HEATR4: variants seen among roughly 807,000 people sequenced by gnomAD.
The protein encoded by HEATR4 is HEAT repeat-containing protein 4.
HEATR4 carries 95 observed loss-of-function variants against 108.8 expected under a neutral mutation model. The observed-to-expected ratio is 0.87, with a 90% CI of 0.74 to 1.04. The LOEUF (loss-of-function observed/expected upper bound fraction) is 1.04, where lower values mean the gene tolerates loss of function less well. Ranked by LOEUF, HEATR4 falls within the 50% of genes least tolerant of loss-of-function variation. The probability of loss-of-function intolerance (pLI) is 0.00; values close to 1 mark genes in which losing one functional copy is unlikely to be tolerated. For missense variants in HEATR4, 1,152 were observed against 1,253.8 expected, an observed-to-expected ratio of 0.92 and a Z score of 1.23; for synonymous variants, 443 against 459.4, an observed-to-expected ratio of 0.96 and a Z score of 0.46.
chr14:73,630,144 C>G, the HEATR4 span, among the ~76,000 whole-genome samples: 6 of 151,988 alleles, frequency 3.9e-5, no homozygotes, highest in Non-Finnish European at 8.8e-5. Context: ...CAGGGGAAAG[C>G]AAAAAGAAGA....
the HEATR4 span, among the ~76,000 whole-genome samples, chr14:73,615,788 G>A: frequency 0.02 from 3,068 of 152,066 alleles, 106 homozygotes; most frequent in African/African-American, 0.07. Context: ...GCAGTGGCTC[G>A]CACTTAAAAT....
At chr14:73,497,398 C>T (rs1388630336) in intron 14 of HEATR4, among the ~76,000 whole-genome samples, 6 of 152,092 alleles carry the variant, frequency 3.9e-5, no homozygotes, top group Admixed American at 2.6e-4. Context: ...TTATGACAGG[C>T]GCTAAACATG....
the HEATR4 span, among the ~76,000 whole-genome samples, chr14:73,626,785 C>A: frequency 7.3e-6 from 1 of 136,830 alleles, no homozygotes; most frequent in African/African-American, 2.9e-5. Flanking sequence ...AACAGACAAA[C>A]AGCCTTTTTT....
chr14:73,583,724 G>A, the HEATR4 span, among the ~76,000 whole-genome samples: 5 of 152,040 alleles, frequency 3.3e-5, no homozygotes, highest in African/African-American at 1.2e-4. Flanking sequence ...GGCAGGCCAG[G>A]CGCGGTGGCT....
intron 17 of HEATR4, among the ~76,000 whole-genome samples, chr14:73,479,746 T>C (rs757179457): frequency 3.5e-4 from 53 of 152,136 alleles, no homozygotes; most frequent in South Asian, 8.3e-4. Flanking sequence ...AGCTAATTTT[T>C]TTGTATTTTT....
chr14:73,535,537 T>C lies in HEATR4; in HGVS notation c.-151-5293A>G, dbSNP rs1236447747. ...AGGCTGGAGTGCAGTGGCGCCATCT[T>C]GGCTCACTGCAAGCACTGCCTCCAG... is the stretch of plus-strand genomic sequence containing the variant. On this transcript the variant is annotated intron_variant, in intron 1 of 17. Transcript: ENST00000553558. Among the ~76,000 whole-genome samples, 36 of 86,142 alleles carry C rather than the reference T, an allele frequency of 4.2e-4. 6 individuals carry two copies. Among genetic ancestry groups the C allele is most frequent in the African/African-American group, 1.3e-3 (34 of 26,014 alleles). The allele number at this position is 86,142 out of a possible 152,430, so 56.5% of individuals were successfully genotyped here.
At chr14:73,506,987 G>A (rs1357872194) in intron 9 of HEATR4, among the ~76,000 whole-genome samples, 1 of 151,784 alleles carries the variant, frequency 6.6e-6, no homozygotes, top group East Asian at 1.9e-4. Flanking sequence ...TTTTAGTAGA[G>A]GCGGGGTTTT....
chr14:73,615,388 T>TAAAAAAAAAAAAAAAAAAAA, the HEATR4 span, among the ~76,000 whole-genome samples: 1 of 63,330 alleles, frequency 1.6e-5, no homozygotes, highest in African/African-American at 1.0e-4. Context: ...CTCTGTCTGA[T>TAAAAAAAAAAAAAAAAAAAA]AAAAAAAAAA....
the HEATR4 span, among the ~76,000 whole-genome samples, chr14:73,597,233 C>T: frequency 2.8e-3 from 418 of 149,486 alleles, 2 homozygotes; most frequent in African/African-American, 9.7e-3. Flanking sequence ...TACAGGTGCC[C>T]GCCACCACGC....
At position 73,478,645 on chromosome 14, in the gene HEATR4, G is replaced by T; in HGVS notation, c.3042C>A (p.Ile1014=). 6.2e-7 allele frequency: 1 copy of T among 1,613,786 alleles called. No individual in the cohort carries two copies. The highest frequency in any genetic ancestry group is 8.5e-7 in the Non-Finnish European group (1 of 1,179,858). The change falls in exon 18 of 18, where the codon ATC becomes ATA. Residue 1014 remains isoleucine (I), a synonymous_variant. Transcript: ENST00000553558. ...KFSERTFFSP[I]MSSPSGKKGA... is the part of the protein sequence containing the mutation. The stretch of plus-strand genomic sequence containing the variant: ...CTTTCTTTCCAGAGGGAGAAGACAT[G>T]ATGGGAGAAAAAAATGTTCTCTCTG...
chr14:73,489,090 C>T (rs1372516912), intron 17 of HEATR4, among the ~76,000 whole-genome samples: 1 of 150,808 alleles, frequency 6.6e-6, no homozygotes, highest in Non-Finnish European at 1.5e-5. Context: ...TTGTAATAAA[C>T]CAGGATTTGT....
the HEATR4 span, among the ~76,000 whole-genome samples, chr14:73,577,159 C>T: frequency 1.3e-5 from 2 of 151,748 alleles, no homozygotes; most frequent in African/African-American, 2.4e-5. Flanking sequence ...CTTGAATTAC[C>T]GAGCTCAAAC....
chr14:73,521,945 T>C (rs556861689), intron 3 of HEATR4, among the ~76,000 whole-genome samples: 1 of 152,340 alleles, frequency 6.6e-6, no homozygotes, highest in Non-Finnish European at 1.5e-5. Flanking sequence ...AATGACTTTG[T>C]TCCTCTTGGA....
At chr14:73,561,927 T>A (rs1258061760), upstream of HEATR4, among the ~76,000 whole-genome samples, 2 of 152,060 alleles carry the variant, frequency 1.3e-5, no homozygotes, top group African/African-American at 4.8e-5. Context: ...GAGACTGCAG[T>A]GAACTGTGAT....
chr14:73,622,905 T>G, the HEATR4 span, among the ~76,000 whole-genome samples: 1 of 151,830 alleles, frequency 6.6e-6, no homozygotes, highest in South Asian at 2.1e-4. Context: ...GTGGTTTTTT[T>G]GTTTAGTTTT....
At chr14:73,491,525 C>T (rs1885740213) in intron 17 of HEATR4, 1 of 1,523,622 alleles carries the variant, frequency 6.6e-7, no homozygotes, top group Non-Finnish European at 8.8e-7. Flanking sequence ...GGCGTCGGGG[C>T]CGCAGGTGGA....
intron 11 of HEATR4, among the ~76,000 whole-genome samples, chr14:73,501,989 C>T (rs902401542): frequency 1.3e-5 from 2 of 151,762 alleles, no homozygotes; most frequent in Admixed American, 1.3e-4. Flanking sequence ...TTGTGATCCA[C>T]CCGCCTCGGC....
chr14:73,514,217 C>CAA lies in HEATR4; in HGVS notation c.1227_1228insTT (p.Gly410LeufsTer32). 6.2e-7 allele frequency: 1 copy of CAA among 1,614,130 alleles called. No individual in the cohort carries two copies. Among genetic ancestry groups the CAA allele is most frequent in the Non-Finnish European group, 8.5e-7 (1 of 1,180,012 alleles). ...GGCAAAGCAGTCCAGCGCAGGGCTC[C>CAA]TTGCACAGGTCTGTAAGCTGTGCAA... On this transcript the variant is annotated frameshift_variant, in exon 6 of 18. Coordinates refer to ENST00000553558, the MANE Select transcript of HEATR4 (RefSeq NM_001220484.1). LOFTEE classifies it high-confidence loss of function.
intron 17 of HEATR4, among the ~76,000 whole-genome samples, chr14:73,479,413 GT>G (rs59658288): frequency 0.018 from 2,266 of 129,146 alleles, 41 homozygotes; most frequent in African/African-American, 0.062. Context: ...TGCGCCCGGC[GT>G]TTTTTTTTCT....
Sources: allele counts gnomAD v4.1 joint callset (sites outside exome capture counted in the v4.1 genomes callset), GRCh38; gene constraint gnomAD v4.1.1; transcripts MANE v1.5; gene names NCBI Gene and HGNC (gene_info 2026-07-23, HGNC 2026-07-21).